Variants in POC1B observed in about 807,000 individuals in gnomAD.
POC1B encodes the protein POC1 centriolar protein B.
A neutral mutation model predicts 60.6 loss-of-function variants in POC1B; 44 were observed. The ratio of observed to expected loss-of-function variants is 0.73; its 90% CI spans 0.57 to 0.93. POC1B has a LOEUF of 0.93. Among genes scored for constraint, POC1B ranks in the 40% least tolerant of loss-of-function variants. The probability of loss-of-function intolerance (pLI) is 0.00; values close to 1 mark genes in which losing one functional copy is unlikely to be tolerated. For synonymous variants in POC1B, 180 were observed against 198.9 expected (o/e 0.90, Z 0.80); for missense variants, 555 against 572.3 (o/e 0.97, Z 0.31).
intron 11 of POC1B, among the ~76,000 whole-genome samples, chr12:89,423,502 A>G (rs1343730741): frequency 6.6e-6 from 1 of 152,174 alleles, no homozygotes; most frequent in Admixed American, 6.6e-5. Flanking sequence ...ATTTATTATT[A>G]ACACCTTTAA....
chr12:89,509,419 T>C (rs1870063350), intron 2 of POC1B, among the ~76,000 whole-genome samples: 1 of 152,170 alleles, frequency 6.6e-6, no homozygotes, highest in South Asian at 2.1e-4. Context: ...ACTCCAGCCC[T>C]GAAATGGGCC....
At chr12:89,505,606 C>A (rs938120809) in intron 2 of POC1B, among the ~76,000 whole-genome samples, 1 of 152,088 alleles carries the variant, frequency 6.6e-6, no homozygotes, top group South Asian at 2.1e-4. Flanking sequence ...AGGGGACTTC[C>A]GGAGATGCTG....
chr12:89,525,835 G>A, intron 1 of POC1B, 46 bp downstream of exon 1: 1 of 1,405,298 alleles, frequency 7.1e-7, no homozygotes, highest in Non-Finnish European at 9.3e-7. Context: ...CAGCCCGCGG[G>A]ACAGGCTCCA....
At position 89,473,971 on chromosome 12, in the gene POC1B, G is replaced by A. The variant is rs545835528; in HGVS notation, c.453-1696C>T. 3.3e-5 allele frequency among the ~76,000 whole-genome samples: 5 copies of A among 152,142 alleles called. No individual in the cohort carries two copies. The South Asian group carries it at 8.3e-4, about 25-fold the overall frequency. ...TGTAATCCCAGCAGTTTGGGAGGCC[G>A]AGGCAGGCGGATCACCTGAGGTCAG... On this transcript the variant is annotated intron_variant, in intron 4 of 11. Coordinates refer to ENST00000313546, the MANE Select transcript of POC1B (RefSeq NM_172240.3).
chr12:89,472,940 T>C (rs1882959768), intron 4 of POC1B, among the ~76,000 whole-genome samples: 1 of 152,240 alleles, frequency 6.6e-6, no homozygotes, highest in Non-Finnish European at 1.5e-5. Context: ...TCTTGTCTGC[T>C]GTTTTATGCT....
At chr12:89,417,202 T>G (rs554661057), downstream of POC1B, among the ~76,000 whole-genome samples, 2 of 152,302 alleles carry the variant, frequency 1.3e-5, no homozygotes, top group East Asian at 3.9e-4. Flanking sequence ...TTAAAATAAT[T>G]AATTGGGAGC....
intron 9 of POC1B, among the ~76,000 whole-genome samples, chr12:89,462,875 T>C (rs376197807): frequency 1.1e-4 from 17 of 152,282 alleles, no homozygotes; most frequent in East Asian, 5.8e-4. Context: ...GTATAACTGT[T>C]AGACTTTATC....
downstream of POC1B, among the ~76,000 whole-genome samples, chr12:89,415,341 T>C (rs1880345591): frequency 2.0e-5 from 3 of 152,258 alleles, no homozygotes; most frequent in African/African-American, 7.2e-5. Context: ...AGAAACAAAA[T>C]GATTTATTAA....
the POC1B span, among the ~76,000 whole-genome samples, chr12:89,410,351 A>T: frequency 6.6e-6 from 1 of 152,218 alleles, no homozygotes; most frequent in Non-Finnish European, 1.5e-5. Context: ...CCAATATCAT[A>T]CCAAACGGGC....
chr12:89,467,120 T>C (rs148765523), intron 8 of POC1B, among the ~76,000 whole-genome samples, 198 bp from the exon 9 acceptor site: 2 of 152,310 alleles, frequency 1.3e-5, no homozygotes, highest in African/African-American at 4.8e-5. Context: ...ATTGCCTTCA[T>C]GTCTGGTTTA....
chr12:89,492,828 C>T (rs1374719697), intron 3 of POC1B, among the ~76,000 whole-genome samples: 1 of 152,040 alleles, frequency 6.6e-6, no homozygotes, highest in African/African-American at 2.4e-5. Flanking sequence ...TCTTCTGAAT[C>T]CTCCTCTTCT....
In POC1B at chr12:89,525,600, C is replaced by A. The variant is rs1201886882; in HGVS notation, c.15+281G>T. On this transcript the variant is annotated intron_variant, in intron 1 of 11. Coordinates refer to ENST00000313546, the MANE Select transcript of POC1B (RefSeq NM_172240.3). ...AGGTGATTCTGACGCAGGCGCTCCA[C>A]GGAAACCCTCCGAGAATTCTGGGGG... 24 of 1,283,094 alleles carry A rather than the reference C, an allele frequency of 1.9e-5. No individual in the cohort carries two copies. In the African/African-American group the frequency reaches 3.5e-4, roughly 19 times the overall value. 79.5% of individuals were successfully genotyped at this position (1,283,094 alleles called of 1,614,324 possible).
At chr12:89,406,149 C>G in the POC1B span, among the ~76,000 whole-genome samples, 1 of 152,030 alleles carries the variant, frequency 6.6e-6, no homozygotes, top group Non-Finnish European at 1.5e-5. Context: ...CATGGCCAAG[C>G]TGAGTTGCAA....
chr12:89,523,320 A>T, intron 2 of POC1B: 7 of 1,614,086 alleles, frequency 4.3e-6, no homozygotes, highest in Non-Finnish European at 5.9e-6. Flanking sequence ...ATTTTCTTTC[A>T]GAAATATCAC....
At chr12:89,521,887 C>T in intron 2 of POC1B, 1 of 397,980 alleles carries the variant, frequency 2.5e-6, no homozygotes, top group African/African-American at 2.1e-5. Flanking sequence ...ACCTAGCCCA[C>T]TTTCAGTTTC....
chr12:89,450,621 T>C (rs1882001271), intron 10 of POC1B, among the ~76,000 whole-genome samples: 1 of 152,162 alleles, frequency 6.6e-6, no homozygotes, highest in Non-Finnish European at 1.5e-5. Flanking sequence ...ACAGCAATCA[T>C]GAACACGTCA....
chr12:89,441,697 A>C (rs1881529192), intron 10 of POC1B, among the ~76,000 whole-genome samples: 1 of 152,336 alleles, frequency 6.6e-6, no homozygotes, highest in Admixed American at 6.5e-5. Flanking sequence ...AATTCTAAAA[A>C]TCAGAGTGCC....
chr12:89,419,009 T>C (rs559269197), downstream of POC1B, among the ~76,000 whole-genome samples: 3 of 152,198 alleles, frequency 2.0e-5, no homozygotes, highest in South Asian at 2.1e-4. Flanking sequence ...TTCTACATTC[T>C]GACAAAATGT....
intron 10 of POC1B, among the ~76,000 whole-genome samples, chr12:89,431,245 A>G (rs140328968): frequency 6.6e-6 from 1 of 152,344 alleles, no homozygotes; most frequent in East Asian, 1.9e-4. Flanking sequence ...GTAAGTAGAG[A>G]AGAAAACAGA....
Sources: gnomAD v4.1 joint callset for allele counts (sites outside exome capture counted in the v4.1 genomes callset) on GRCh38, gnomAD v4.1.1 for gene constraint, MANE v1.5 for transcripts, NCBI Gene and HGNC (gene_info 2026-07-23, HGNC 2026-07-21) for gene names.